Variants in NRIP1 observed in about 807,000 individuals in gnomAD.
The protein encoded by NRIP1 is nuclear receptor interacting protein 1, also known as nuclear receptor-interacting protein 1.
In NRIP1, 28 loss-of-function variants were observed where a neutral mutation model predicts 75.0. The ratio of observed to expected loss-of-function variants is 0.37; its 90% CI spans 0.28 to 0.51. The LOEUF (loss-of-function observed/expected upper bound fraction) is 0.51. Ranked by LOEUF, NRIP1 falls within the 20% of genes least tolerant of loss-of-function variation. The pLI is 0.92. For missense variants in NRIP1, 1,435 were observed against 1,343.7 expected (o/e 1.07, Z -1.06); for synonymous variants, 526 against 487.6 (o/e 1.08, Z -1.04).
At chr21:15,011,845 G>T (rs2088111684) in intron 3 of NRIP1, among the ~76,000 whole-genome samples, 1 of 152,094 alleles carries the variant, frequency 6.6e-6, no homozygotes, top group South Asian at 2.1e-4. Context: ...AAAAAAGGGT[G>T]AATTAATTTT....
intron 2 of NRIP1, among the ~76,000 whole-genome samples, chr21:15,019,094 T>C (rs1214804753): frequency 1.3e-5 from 2 of 150,154 alleles, no homozygotes; most frequent in African/African-American, 2.4e-5. Flanking sequence ...TTTACTCTTT[T>C]ATGTGGGTTT....
At chr21:14,982,694 TG>T (rs773807287) in intron 3 of NRIP1, among the ~76,000 whole-genome samples, 27,528 of 145,750 alleles carry the variant, frequency 0.19, 2,912 homozygotes, top group East Asian at 0.46. Context: ...GCCATTATTG[TG>T]GGGTTTTTTT....
At chr21:15,001,356 C>T (rs1388369287) in intron 3 of NRIP1, among the ~76,000 whole-genome samples, 5 of 152,142 alleles carry the variant, frequency 3.3e-5, no homozygotes, top group Admixed American at 6.6e-5. Context: ...CTTTTCTCCC[C>T]TTGCAGTACA....
At chr21:14,971,410 GAGA>G (rs2086899959) in intron 3 of NRIP1, 1 of 152,150 alleles carries the variant, frequency 6.6e-6, no homozygotes, top group Non-Finnish European at 1.5e-5. Flanking sequence ...GAATCACGAG[GAGA>G]AGGTCATTCT....
intron 2 of NRIP1, among the ~76,000 whole-genome samples, chr21:15,028,692 T>G (rs989776398): frequency 1.3e-5 from 2 of 152,202 alleles, no homozygotes; most frequent in Admixed American, 6.5e-5. Flanking sequence ...TTTCCCTGTG[T>G]TGTTCAATGG....
rs78486243 is a variant in NRIP1 at position 14,991,670 on chromosome 21, A to C, written c.-335+22674T>G. Among the ~76,000 whole-genome samples the C allele has an allele frequency of 0.017, 2,624 of 152,274 alleles. 240 individuals are homozygous for C. In the East Asian group the frequency reaches 0.28, roughly 16 times the overall value. Reference sequence around the variant, plus strand: ...AATTTTTGCCATTGAGTTTTAGAGAATATCATGGCCATAAAAAGGAAATAA... The same window carrying C: ...AATTTTTGCCATTGAGTTTTAGAGACTATCATGGCCATAAAAAGGAAATAA... On this transcript the variant is annotated intron_variant, in intron 3 of 3. Transcript: ENST00000318948.
intron 2 of NRIP1, among the ~76,000 whole-genome samples, chr21:15,043,076 G>T (rs929437288): frequency 5.3e-5 from 8 of 152,150 alleles, no homozygotes; most frequent in African/African-American, 1.9e-4. Context: ...AAATGCAGAT[G>T]GCAGCTGATC....
intron 3 of NRIP1, among the ~76,000 whole-genome samples, chr21:15,013,536 G>T (rs1299836164): frequency 6.6e-6 from 1 of 152,038 alleles, no homozygotes; most frequent in African/African-American, 2.4e-5. Context: ...TATTCACAAC[G>T]GATTATGAGC....
At chr21:14,993,103 GC>G (rs2147080316) in intron 3 of NRIP1, among the ~76,000 whole-genome samples, 1 of 152,108 alleles carries the variant, frequency 6.6e-6, no homozygotes, top group South Asian at 2.1e-4. Flanking sequence ...GACATGAAAG[GC>G]ACTTCTACAA....
chr21:15,048,633 A>T (rs1199723354), intron 1 of NRIP1, among the ~76,000 whole-genome samples: 2 of 152,238 alleles, frequency 1.3e-5, no homozygotes, highest in Non-Finnish European at 2.9e-5. Flanking sequence ...AACATTACCA[A>T]ATCATTTTAT....
At chr21:14,998,465 C>A (rs569088295) in intron 3 of NRIP1, among the ~76,000 whole-genome samples, 4 of 152,356 alleles carry the variant, frequency 2.6e-5, no homozygotes, top group Non-Finnish European at 4.4e-5. Flanking sequence ...CTGCCTTCCT[C>A]TGCAAAGCCA....
chr21:15,056,704 A>G (rs1422626705), intron 1 of NRIP1, among the ~76,000 whole-genome samples: 2 of 152,188 alleles, frequency 1.3e-5, no homozygotes, highest in African/African-American at 4.8e-5. Context: ...CTTTTCCAAC[A>G]TGATTTGGCA....
chr21:15,016,808 C>T (rs572333694), intron 2 of NRIP1, among the ~76,000 whole-genome samples: 1 of 152,008 alleles, frequency 6.6e-6, no homozygotes, highest in African/African-American at 2.4e-5. Flanking sequence ...TGGTGTGAAC[C>T]TGGGAGGCAG....
chr21:14,993,995 G>A (rs989877631), intron 3 of NRIP1, among the ~76,000 whole-genome samples: 4 of 152,118 alleles, frequency 2.6e-5, no homozygotes, highest in Non-Finnish European at 5.9e-5. Flanking sequence ...GTTGGATCAT[G>A]TATTTATATA....
intron 3 of NRIP1, among the ~76,000 whole-genome samples, chr21:14,996,851 ATTAT>A (rs2087742544): frequency 6.6e-6 from 1 of 151,724 alleles, no homozygotes; most frequent in African/African-American, 2.4e-5. Flanking sequence ...AATATATATA[ATTAT>A]TTAAATTATA....
chr21:15,054,936 C>T (rs946967321), intron 1 of NRIP1, among the ~76,000 whole-genome samples: 4 of 152,208 alleles, frequency 2.6e-5, no homozygotes, highest in Non-Finnish European at 5.9e-5. Context: ...AGTAAGCCTA[C>T]AAACTCCCTT....
intron 3 of NRIP1, among the ~76,000 whole-genome samples, chr21:15,013,550 A>G (rs534494883): frequency 6.6e-6 from 1 of 152,324 alleles, no homozygotes; most frequent in South Asian, 2.1e-4. Context: ...TATGAGCACA[A>G]TAATCAATCA....
intron 2 of NRIP1, among the ~76,000 whole-genome samples, chr21:15,034,307 G>T (rs1025168066): frequency 6.6e-6 from 1 of 152,164 alleles, no homozygotes; most frequent in African/African-American, 2.4e-5. Context: ...TAGTAGTTAA[G>T]GGGCATGCAT....
Position 14,964,835 on chromosome 21 carries a change from TAAAG to T in NRIP1, c.3354_3357del (p.Phe1118LeufsTer3). The T allele has an allele frequency of 2.5e-6, 4 of 1,613,560 alleles. No individual in the cohort carries two copies. The highest frequency in any genetic ancestry group is 3.4e-6 in the Non-Finnish European group (4 of 1,179,730). ...TGGCTATTGTAAGGGCTTCTTAAAT[TAAAG>T]AAAGAAGCTTTCGTTTCTGCAGTAG... On this transcript the variant is annotated frameshift_variant, in exon 4 of 4. Transcript: ENST00000318948. LOFTEE classifies it high-confidence loss of function.
Sources: gnomAD v4.1 joint callset for allele counts (sites outside exome capture counted in the v4.1 genomes callset) on GRCh38, gnomAD v4.1.1 for gene constraint, MANE v1.5 for transcripts, NCBI Gene and HGNC (gene_info 2026-07-23, HGNC 2026-07-21) for gene names.